NRG3: variants seen among roughly 807,000 people sequenced by gnomAD.
NRG3 encodes the protein neuregulin 3.
A neutral mutation model predicts 66.9 loss-of-function variants in NRG3; 31 were observed. The observed-to-expected ratio is 0.46, with a 90% confidence interval of 0.35 to 0.63. NRG3 has a LOEUF of 0.63. Ranked by LOEUF, NRG3 falls within the 20% of genes least tolerant of loss-of-function variation. The pLI is 0.00. For missense variants in NRG3, 910 were observed against 878.9 expected (o/e 1.04, Z -0.45); for synonymous variants, 393 against 359.4 (o/e 1.09, Z -1.06).
At chr10:82,075,043 T>C (rs946030816) in intron 1 of NRG3, among the ~76,000 whole-genome samples, 7 of 152,194 alleles carry the variant, frequency 4.6e-5, no homozygotes, top group African/African-American at 1.7e-4. Flanking sequence ...ATCTGTTGAA[T>C]CGATGAATGA....
At chr10:81,934,655 T>C (rs1457357628) in intron 1 of NRG3, among the ~76,000 whole-genome samples, 2 of 152,230 alleles carry the variant, frequency 1.3e-5, no homozygotes, top group Non-Finnish European at 2.9e-5. Context: ...TTTCAGTAAA[T>C]TAAGAGTAAA....
intron 2 of NRG3, among the ~76,000 whole-genome samples, chr10:82,384,024 A>G (rs1170806308): frequency 6.6e-6 from 1 of 152,074 alleles, no homozygotes. Context: ...TTAATCTGCT[A>G]TTCCTTTCAA....
At chr10:81,991,397 G>A (rs561672906) in intron 1 of NRG3, among the ~76,000 whole-genome samples, 2 of 152,124 alleles carry the variant, frequency 1.3e-5, no homozygotes, top group South Asian at 2.1e-4. Flanking sequence ...CAGCACTCAT[G>A]CTCAAAGTCT....
intron 2 of NRG3, among the ~76,000 whole-genome samples, chr10:82,601,485 T>A (rs1047240064): frequency 6.6e-6 from 1 of 152,188 alleles, no homozygotes; most frequent in Non-Finnish European, 1.5e-5. Context: ...GAGTACTGAA[T>A]CAAATGGCAT....
chr10:82,503,982 A>T (rs79948167), intron 2 of NRG3, among the ~76,000 whole-genome samples: 1 of 152,190 alleles, frequency 6.6e-6, no homozygotes, highest in Non-Finnish European at 1.5e-5. Context: ...TGGAAAAAAA[A>T]TGCCACTCTT....
intron 1 of NRG3, among the ~76,000 whole-genome samples, chr10:82,218,190 T>C (rs1440319103): frequency 6.6e-6 from 1 of 152,242 alleles, no homozygotes; most frequent in East Asian, 1.9e-4. Context: ...AAGTCATTAA[T>C]AATAACGAAA....
At chr10:82,144,264 CT>C (rs2070069163) in intron 1 of NRG3, among the ~76,000 whole-genome samples, 2 of 152,162 alleles carry the variant, frequency 1.3e-5, no homozygotes, top group Admixed American at 6.6e-5. Flanking sequence ...AAGCATTCAT[CT>C]GTTCCACATC....
intron 3 of NRG3, among the ~76,000 whole-genome samples, chr10:82,756,425 T>C (rs2059080559): frequency 6.6e-6 from 1 of 152,140 alleles, no homozygotes; most frequent in Non-Finnish European, 1.5e-5. Flanking sequence ...AATCTATGCT[T>C]AACATATTCA....
chr10:82,002,559 T>C (rs1211035089), intron 1 of NRG3, among the ~76,000 whole-genome samples: 1 of 152,216 alleles, frequency 6.6e-6, no homozygotes, highest in East Asian at 1.9e-4. Flanking sequence ...TTCTAGTTTG[T>C]TCTGCTGTCA....
In NRG3 at chr10:82,476,096, A is replaced by G. The variant is rs1825155177; in HGVS notation, c.953+117228A>G. ...AGCACATGAAAAGAAATTCAACATCAACAATCACTAGGGCAAGGCAAATCA... is the reference window on the plus strand; with the variant it reads ...AGCACATGAAAAGAAATTCAACATCGACAATCACTAGGGCAAGGCAAATCA... On this transcript the variant is annotated intron_variant, in intron 2 of 8. Transcript: ENST00000372141. 2.0e-5 allele frequency among the ~76,000 whole-genome samples: 3 copies of G among 152,188 alleles called. No homozygotes were observed. In the South Asian group the frequency reaches 6.2e-4, roughly 31 times the overall value.
intron 1 of NRG3, among the ~76,000 whole-genome samples, chr10:82,138,097 T>C (rs2132603842): frequency 6.6e-6 from 1 of 152,302 alleles, no homozygotes; most frequent in East Asian, 1.9e-4. Context: ...TTTTCTAAGT[T>C]GTGAGAAACA....
intron 1 of NRG3, among the ~76,000 whole-genome samples, chr10:82,268,914 G>A (rs2078445473): frequency 6.6e-6 from 1 of 152,044 alleles, no homozygotes; most frequent in African/African-American, 2.4e-5. Context: ...GGGCAGTCTT[G>A]TTGCAGATCT....
At chr10:82,181,371 T>G (rs984145276) in intron 1 of NRG3, among the ~76,000 whole-genome samples, 12 of 151,794 alleles carry the variant, frequency 7.9e-5, no homozygotes, top group African/African-American at 2.9e-4. Context: ...TTTTAAGATC[T>G]TTCTTCTTTT....
chr10:82,683,882 A>T (rs887587630), intron 2 of NRG3, among the ~76,000 whole-genome samples: 3 of 152,176 alleles, frequency 2.0e-5, no homozygotes, highest in Non-Finnish European at 2.9e-5. Context: ...ACATTTTCCT[A>T]AACTATACGC....
At chr10:82,572,006 A>T (rs2045765544) in intron 2 of NRG3, among the ~76,000 whole-genome samples, 1 of 151,554 alleles carries the variant, frequency 6.6e-6, no homozygotes, top group South Asian at 2.1e-4. Context: ...GTACTGTTTT[A>T]AGTATTTATT....
intron 1 of NRG3, among the ~76,000 whole-genome samples, chr10:82,022,838 G>A (rs1160847455): frequency 6.6e-6 from 1 of 151,638 alleles, no homozygotes; most frequent in Non-Finnish European, 1.5e-5. Context: ...TTTTTATAGT[G>A]AATACAGGTT....
chr10:82,711,999 A>G (rs2056698756), intron 2 of NRG3, among the ~76,000 whole-genome samples: 1 of 152,342 alleles, frequency 6.6e-6, no homozygotes, highest in East Asian at 1.9e-4. Context: ...AGAAAATGAT[A>G]TGCCTCCATA....
intron 1 of NRG3, among the ~76,000 whole-genome samples, chr10:82,202,461 C>CT (rs2074887145): frequency 6.6e-6 from 1 of 152,140 alleles, no homozygotes; most frequent in African/African-American, 2.4e-5. Flanking sequence ...GCGTAAGAGT[C>CT]GTTGCCACTT....
intron 1 of NRG3, among the ~76,000 whole-genome samples, chr10:82,045,882 A>G (rs2063266458): frequency 1.3e-5 from 2 of 149,224 alleles, no homozygotes; most frequent in African/African-American, 2.5e-5. Context: ...GGTTGTAGAT[A>G]TGCGGTGTTA....
Sources: allele counts gnomAD v4.1 joint callset (sites outside exome capture counted in the v4.1 genomes callset), GRCh38; gene constraint gnomAD v4.1.1; transcripts MANE v1.5; gene names NCBI Gene and HGNC (gene_info 2026-07-23, HGNC 2026-07-21).